ADNP: variants seen among roughly 807,000 people sequenced by gnomAD.
ADNP encodes activity dependent neuroprotector homeobox.
In ADNP, 4 loss-of-function variants were observed where a neutral mutation model predicts 84.9. That is an observed-to-expected ratio of 0.05 (90% CI 0.02 to 0.11). ADNP has a LOEUF of 0.11. Among genes scored for constraint, ADNP ranks in the 10% least tolerant of loss-of-function variants. ADNP has a pLI of 1.00. For missense variants in ADNP, 1,132 were observed against 1,326.0 expected, an observed-to-expected ratio of 0.85 and a Z score of 2.27; for synonymous variants, 554 against 468.1, an observed-to-expected ratio of 1.18 and a Z score of -2.37.
intron 2 of ADNP, among the ~76,000 whole-genome samples, chr20:50,906,482 A>AAGCC (rs1185963221): frequency 6.6e-6 from 1 of 152,232 alleles, no homozygotes; most frequent in East Asian, 1.9e-4. Context: ...ATGTGTCCAG[A>AAGCC]AGCCAGCCAT....
chr20:50,925,831 T>G (rs746420087), intron 2 of ADNP, among the ~76,000 whole-genome samples: 3 of 152,226 alleles, frequency 2.0e-5, no homozygotes, highest in Non-Finnish European at 4.4e-5. Flanking sequence ...CTGGGAGCGG[T>G]GGCTCACGCC....
chr20:50,916,104 A>G (rs981100117), intron 2 of ADNP, among the ~76,000 whole-genome samples: 1 of 152,214 alleles, frequency 6.6e-6, no homozygotes, highest in South Asian at 2.1e-4. Context: ...TCAATTATTT[A>G]TATTTTTTAT....
intron 2 of ADNP, among the ~76,000 whole-genome samples, chr20:50,918,062 G>A (rs541820514): frequency 1.3e-5 from 2 of 152,278 alleles, no homozygotes; most frequent in East Asian, 3.9e-4. Flanking sequence ...GAAGAAAAGA[G>A]GAGTTATTGT....
At position 50,903,909 on chromosome 20, in the gene ADNP, A is replaced by G; in HGVS notation, c.88T>C (p.Tyr30His). 1 of 1,613,538 alleles carries G rather than the reference A, an allele frequency of 6.2e-7. No homozygotes were observed. The highest frequency in any genetic ancestry group is 8.5e-7 in the Non-Finnish European group (1 of 1,179,528). ...KKILSDIGLEYCKEHIEDFKQ... is the reference protein window; with the variant it reads ...KKILSDIGLEHCKEHIEDFKQ... ...CTTACTTCTATATGTTCTTTACAGT[A>G]TTCCAACCCAATGTCACTAAGTATT... The change falls in exon 4 of 6, where the codon TAC (tyrosine) becomes CAC (histidine). Residue 30 changes from tyrosine to histidine, a missense_variant. Physicochemically the swap from Tyr to His is moderately conservative, Grantham distance 83 (BLOSUM62 2). Around this residue, in one of 10 missense-constraint regions of ADNP, gnomAD observed 56 missense variants for 94.6 expected, o/e 0.59. Transcript: ENST00000621696.
At chr20:50,896,116 T>C (rs969333408) in intron 5 of ADNP, among the ~76,000 whole-genome samples, 1 of 151,794 alleles carries the variant, frequency 6.6e-6, no homozygotes, top group Non-Finnish European at 1.5e-5. Context: ...TCCCAGCTAC[T>C]CGGGAGGCTG....
At chr20:50,911,513 T>C (rs1291699569) in intron 2 of ADNP, among the ~76,000 whole-genome samples, 1 of 150,898 alleles carries the variant, frequency 6.6e-6, no homozygotes, top group African/African-American at 2.4e-5. Flanking sequence ...TTCTTTTCTT[T>C]TTTTTTTTTT....
chr20:50,929,799 A>T (rs537821945), intron 1 of ADNP, among the ~76,000 whole-genome samples: 1 of 152,242 alleles, frequency 6.6e-6, no homozygotes, highest in East Asian at 1.9e-4. Context: ...GGGGATGGAC[A>T]TCATTAACAT....
intron 2 of ADNP, chr20:50,914,334 AAAG>A: frequency 1.5e-6 from 1 of 672,792 alleles, no homozygotes; most frequent in Non-Finnish European, 2.7e-6. Flanking sequence ...ATAAAGAAGA[AAAG>A]AAACCCCACA....
At chr20:50,894,763 G>A (rs981588173) in intron 5 of ADNP, among the ~76,000 whole-genome samples, 16 of 152,112 alleles carry the variant, frequency 1.1e-4, no homozygotes, top group African/African-American at 3.9e-4. Context: ...TGAGCGTGGT[G>A]GTGGGCGCCT....
chr20:50,927,553 T>A (rs2123014495), intron 2 of ADNP, among the ~76,000 whole-genome samples: 1 of 140,354 alleles, frequency 7.1e-6, no homozygotes, highest in South Asian at 2.2e-4. Context: ...CAAGCCCAAT[T>A]GTTTCACTTT....
chr20:50,922,119 T>C (rs1983993788), intron 2 of ADNP, among the ~76,000 whole-genome samples: 1 of 152,324 alleles, frequency 6.6e-6, no homozygotes, highest in Admixed American at 6.5e-5. Flanking sequence ...GGGAAAACTC[T>C]CAAACTTTGT....
chr20:50,904,013 A>G lies in ADNP; in HGVS notation c.-5-12T>C. ...TTGGAACATAGTTTCTATTGGAAAA[A>G]AAAATTTAAGTCAAAGTCAAAACAC... On this transcript the variant is annotated splice_polypyrimidine_tract_variant and intron_variant, in intron 3 of 5. Coordinates refer to ENST00000621696, the MANE Select transcript of ADNP (RefSeq NM_001282531.3). 1 of 1,604,328 alleles carries G rather than the reference A, an allele frequency of 6.2e-7. No homozygotes were observed. The highest frequency in any genetic ancestry group is 1.7e-5 in the Admixed American group (1 of 59,486).
chr20:50,901,926 C>G, intron 5 of ADNP, 91 bp downstream of exon 5: 1 of 967,274 alleles, frequency 1.0e-6, no homozygotes, highest in Non-Finnish European at 1.6e-6. Context: ...GGCACTTGCC[C>G]GCAATCACTG....
Position 50,931,005 on chromosome 20 carries a change from G to C in ADNP, c.-444C>G, listed in dbSNP as rs938454007. 2.0e-5 allele frequency: 3 copies of C among 146,848 alleles called. No homozygotes were observed. The highest frequency in any genetic ancestry group is 3.0e-5 in the Non-Finnish European group (2 of 65,684). 9.1% of individuals were successfully genotyped at this position (146,848 alleles called of 1,614,324 possible). On this transcript the variant is annotated 5_prime_UTR_variant, in exon 1 of 6. Coordinates refer to ENST00000621696, the MANE Select transcript of ADNP (RefSeq NM_001282531.3). ...CGCCGCGGCCGCGGGTGCTGCCGGG[G>C]GGCGCGGCGGGCGCAGCAGAGCGGC...
intron 2 of ADNP, among the ~76,000 whole-genome samples, chr20:50,906,938 AT>A (rs975839550): frequency 1.3e-4 from 15 of 116,078 alleles, no homozygotes; most frequent in Admixed American, 8.4e-5. Context: ...AGAAATCTGT[AT>A]TTTTTTTTTG....
At chr20:50,902,506 C>CA (rs11482312) in intron 4 of ADNP, among the ~76,000 whole-genome samples, 13,961 of 150,902 alleles carry the variant, frequency 0.093, 699 homozygotes, top group African/African-American at 0.14. Context: ...TGGTTCTGTG[C>CA]AAAAAAAAGA....
intron 2 of ADNP, among the ~76,000 whole-genome samples, chr20:50,911,415 G>A (rs759254827): frequency 8.6e-5 from 13 of 152,032 alleles, no homozygotes; most frequent in Non-Finnish European, 1.8e-4. Context: ...TCTGCACTAT[G>A]GCAATCCAAT....
intron 5 of ADNP, among the ~76,000 whole-genome samples, chr20:50,897,890 G>A (rs1442969336): frequency 2.6e-5 from 4 of 152,170 alleles, no homozygotes; most frequent in African/African-American, 7.2e-5. Flanking sequence ...CTTGAAAGAG[G>A]AGCAGGGTCA....
At position 50,892,492 on chromosome 20, in the gene ADNP, A is replaced by G. The variant is rs1197817691; in HGVS notation, c.2222T>C (p.Phe741Ser). 1 of 1,614,076 alleles carries G rather than the reference A, an allele frequency of 6.2e-7. No homozygotes were observed. Among genetic ancestry groups the G allele is most frequent in the Non-Finnish European group, 8.5e-7 (1 of 1,180,058 alleles). The change falls in exon 6 of 6, where the codon TTC (phenylalanine) becomes TCC (serine). Residue 741 changes from phenylalanine to serine, a missense_variant. Coordinates refer to ENST00000621696, the MANE Select transcript of ADNP (RefSeq NM_001282531.3). ...AGGCTCTTCAGGCTTCTCTTCAAAGAAGCTGGGTGAATCACTATCATCATC... is the reference window on the plus strand; with the variant it reads ...AGGCTCTTCAGGCTTCTCTTCAAAGGAGCTGGGTGAATCACTATCATCATC... ...KLDDDSDSPSFFEEKPEEPVV... is the reference protein window; with the variant it reads ...KLDDDSDSPSSFEEKPEEPVV...
Sources: allele counts gnomAD v4.1 joint callset (sites outside exome capture counted in the v4.1 genomes callset), GRCh38; gene constraint gnomAD v4.1.1; regional missense constraint gnomAD v4.1.1; transcripts MANE v1.5; gene names NCBI Gene and HGNC (gene_info 2026-07-23, HGNC 2026-07-21).